The following LRRC4C variants were observed in gnomAD, a reference collection of about 807,000 sequenced individuals.
LRRC4C encodes the protein leucine rich repeat containing 4C, also known as leucine-rich repeat-containing protein 4C.
A neutral mutation model predicts 33.6 loss-of-function variants in LRRC4C; 5 were observed. That is an observed-to-expected ratio of 0.15 (90% confidence interval 0.08 to 0.31). LRRC4C has a LOEUF of 0.31. Among genes scored for constraint, LRRC4C ranks in the 10% least tolerant of loss-of-function variants. The pLI, the probability that LRRC4C is intolerant of heterozygous loss-of-function variation, is 1.00. For synonymous variants in LRRC4C, 329 were observed against 302.0 expected, an observed-to-expected ratio of 1.09 and a Z score of -0.93; for missense variants, 560 against 796.7, an observed-to-expected ratio of 0.70 and a Z score of 3.58.
At chr11:40,850,970 C>A (rs1331820663) in intron 2 of LRRC4C, among the ~76,000 whole-genome samples, 1 of 152,086 alleles carries the variant, frequency 6.6e-6, no homozygotes, top group Non-Finnish European at 1.5e-5. Flanking sequence ...AATGGCAGAC[C>A]CACCTCCCCC....
intron 1 of LRRC4C, among the ~76,000 whole-genome samples, chr11:41,286,761 G>T (rs1949841769): frequency 6.6e-6 from 1 of 152,028 alleles, no homozygotes; most frequent in Admixed American, 6.6e-5. Context: ...TAATAATTAT[G>T]AAAGAGGAGG....
intron 2 of LRRC4C, among the ~76,000 whole-genome samples, chr11:40,752,934 T>A (rs1231906917): frequency 6.6e-6 from 1 of 152,118 alleles, no homozygotes; most frequent in Non-Finnish European, 1.5e-5. Flanking sequence ...GAATACTATT[T>A]AGCCATAAAA....
intron 2 of LRRC4C, among the ~76,000 whole-genome samples, chr11:40,856,954 G>A (rs1203325744): frequency 6.6e-6 from 1 of 152,126 alleles, no homozygotes; most frequent in Non-Finnish European, 1.5e-5. Context: ...TGGAGACAAA[G>A]GAAGAAGAAT....
At chr11:40,294,641 A>T (rs1013763090) in intron 4 of LRRC4C, among the ~76,000 whole-genome samples, 9 of 151,998 alleles carry the variant, frequency 5.9e-5, no homozygotes, top group Admixed American at 1.3e-4. Context: ...AACCTGCCCA[A>T]CATTGTGAAA....
Position 40,139,777 on chromosome 11 carries a change from T to C in LRRC4C, c.-43+1024A>G, listed in dbSNP as rs12282688. 8.5e-3 allele frequency among the ~76,000 whole-genome samples: 1,295 copies of C among 152,316 alleles called. 21 individuals are homozygous for C. Among genetic ancestry groups the C allele is most frequent in the African/African-American group, 0.03 (1,242 of 41,560 alleles). On this transcript the variant is annotated intron_variant, in intron 6 of 6. Transcript: ENST00000528697. ...CTGGTGCTTTTCTGTTTTATAGGCA[T>C]TTGAATATAAAAACAAAGAAAATAG...
At chr11:40,123,466 G>T (rs548441459) in intron 6 of LRRC4C, among the ~76,000 whole-genome samples, 5 of 151,928 alleles carry the variant, frequency 3.3e-5, no homozygotes, top group Non-Finnish European at 7.4e-5. Context: ...TCTGAAAAAA[G>T]AAATCAAGAA....
At chr11:41,179,740 G>A (rs904750920) in intron 1 of LRRC4C, among the ~76,000 whole-genome samples, 4 of 152,150 alleles carry the variant, frequency 2.6e-5, no homozygotes, top group African/African-American at 9.7e-5. Flanking sequence ...TCTGAAATCT[G>A]AACTGTTAAG....
chr11:41,449,428 G>A (rs1004297065), intron 1 of LRRC4C, among the ~76,000 whole-genome samples: 1 of 152,088 alleles, frequency 6.6e-6, no homozygotes, highest in African/African-American at 2.4e-5. Flanking sequence ...ATCTTCTGTG[G>A]CTTCCACTGG....
intron 1 of LRRC4C, among the ~76,000 whole-genome samples, chr11:41,293,597 A>T (rs1290563815): frequency 6.6e-6 from 1 of 151,298 alleles, no homozygotes; most frequent in Non-Finnish European, 1.5e-5. Flanking sequence ...TTTTATTTTT[A>T]TTTTATTTTA....
chr11:40,399,363 A>G (rs368104405), intron 3 of LRRC4C, among the ~76,000 whole-genome samples: 1 of 152,292 alleles, frequency 6.6e-6, no homozygotes, highest in South Asian at 2.1e-4. Context: ...ATTAAAAATG[A>G]TGAGTTCATG....
chr11:40,193,618 CAGA>C (rs773281598), intron 5 of LRRC4C, among the ~76,000 whole-genome samples: 1 of 152,088 alleles, frequency 6.6e-6, no homozygotes, highest in South Asian at 2.1e-4. Flanking sequence ...GACTAATTGA[CAGA>C]AGAAGGCTTC....
chr11:40,316,527 A>G (rs57309257), intron 4 of LRRC4C, among the ~76,000 whole-genome samples: 2,333 of 152,062 alleles, frequency 0.015, 92 homozygotes, highest in African/African-American at 0.054. Context: ...ATAAATTCAG[A>G]TAGGACAAAA....
chr11:41,149,489 G>A (rs977371219), intron 1 of LRRC4C, among the ~76,000 whole-genome samples: 24 of 128,014 alleles, frequency 1.9e-4, no homozygotes, highest in African/African-American at 6.4e-4. Flanking sequence ...CAGCCTGGGC[G>A]ACAGAGCGAG....
chr11:40,717,342 A>G (rs1174801109), intron 2 of LRRC4C, among the ~76,000 whole-genome samples: 2 of 151,844 alleles, frequency 1.3e-5, no homozygotes, highest in Non-Finnish European at 2.9e-5. Context: ...TACACCAAAT[A>G]ATAATCAGAA....
chr11:40,708,725 T>C (rs1190732012), intron 2 of LRRC4C, among the ~76,000 whole-genome samples: 2 of 152,166 alleles, frequency 1.3e-5, no homozygotes, highest in African/African-American at 4.8e-5. Context: ...CTATTAGGTC[T>C]GCTTGGTGTA....
intron 4 of LRRC4C, among the ~76,000 whole-genome samples, chr11:40,266,042 A>C (rs529454425): frequency 1.3e-4 from 20 of 152,316 alleles, no homozygotes; most frequent in Admixed American, 3.3e-4. Context: ...TCATGCCTGT[A>C]ATTCCAGCAC....
At chr11:40,547,388 A>G (rs1956966368) in intron 3 of LRRC4C, among the ~76,000 whole-genome samples, 1 of 152,054 alleles carries the variant, frequency 6.6e-6, no homozygotes, top group Non-Finnish European at 1.5e-5. Flanking sequence ...AATGCCTCCT[A>G]TTGCTAAGTG....
At chr11:40,731,931 A>G (rs539500309) in intron 2 of LRRC4C, among the ~76,000 whole-genome samples, 2 of 152,182 alleles carry the variant, frequency 1.3e-5, no homozygotes, top group Non-Finnish European at 2.9e-5. Context: ...GTTGCTAAAT[A>G]TAAACACTAA....
At chr11:40,479,898 T>A (rs935082824) in intron 3 of LRRC4C, among the ~76,000 whole-genome samples, 4 of 152,198 alleles carry the variant, frequency 2.6e-5, no homozygotes, top group Non-Finnish European at 5.9e-5. Context: ...AACCTTATTT[T>A]CTGCATTTGT....
Sources: gnomAD v4.1 joint callset for allele counts (sites outside exome capture counted in the v4.1 genomes callset) on GRCh38, gnomAD v4.1.1 for gene constraint, MANE v1.5 for transcripts, NCBI Gene and HGNC (gene_info 2026-07-23, HGNC 2026-07-21) for gene names.